Variants in PFKFB3 observed in about 807,000 individuals in gnomAD.
PFKFB3 encodes the protein 6-phosphofructo-2-kinase/fructose-2,6-bisphosphatase 3.
In PFKFB3, 33 loss-of-function variants were observed where a neutral mutation model predicts 68.0. The observed-to-expected ratio is 0.49, with a 90% CI of 0.37 to 0.65. PFKFB3 has a LOEUF of 0.65. PFKFB3 is among the 30% of genes least tolerant of loss of function. The pLI is 0.00. For missense variants in PFKFB3, 586 were observed against 712.2 expected, an observed-to-expected ratio of 0.82 and a Z score of 2.02; for synonymous variants, 315 against 288.2, an observed-to-expected ratio of 1.09 and a Z score of -0.94.
In PFKFB3 at chr10:6,228,117, G is replaced by T. The variant is rs371231091; in HGVS notation, c.1515+1752G>T. 2 of 1,525,622 alleles carry T rather than the reference G, an allele frequency of 1.3e-6. No homozygotes were observed. The highest frequency in any genetic ancestry group is 1.8e-6 in the Non-Finnish European group (2 of 1,101,246). 94.5% of individuals were successfully genotyped at this position (1,525,622 alleles called of 1,614,324 possible). On this transcript the variant is annotated intron_variant, in intron 14 of 14. Coordinates refer to ENST00000379775, the MANE Select transcript of PFKFB3 (RefSeq NM_004566.4). The surrounding 1 kb of genome is among the most constrained non-coding windows in gnomAD (Gnocchi z 4.5). ...GTCTGAAGCTGCTGGCTGGGCCGGC[G>T]TGGGGTTTTTCAGGGCTTCGTCCCT... is the stretch of plus-strand genomic sequence containing the variant.
At chr10:6,165,676 G>A (rs1041435769) in intron 1 of PFKFB3, among the ~76,000 whole-genome samples, 1 of 152,132 alleles carries the variant, frequency 6.6e-6, no homozygotes, top group Non-Finnish European at 1.5e-5. Flanking sequence ...GCCTTTTCTC[G>A]ATGCGTCTAT....
intron 1 of PFKFB3, among the ~76,000 whole-genome samples, chr10:6,187,277 C>T (rs1157806311): frequency 6.6e-6 from 1 of 151,660 alleles, no homozygotes; most frequent in Non-Finnish European, 1.5e-5. Context: ...AGGAGAATTG[C>T]TTGAACCAGG....
At chr10:6,245,280 A>C (rs928390373) in intron 14 of PFKFB3, among the ~76,000 whole-genome samples, 3 of 152,036 alleles carry the variant, frequency 2.0e-5, no homozygotes, top group African/African-American at 7.3e-5. Flanking sequence ...TATTTTTAGT[A>C]GAGACGGGGT....
At chr10:6,173,385 A>C (rs1443607896) in intron 1 of PFKFB3, among the ~76,000 whole-genome samples, 3 of 152,170 alleles carry the variant, frequency 2.0e-5, no homozygotes, top group Non-Finnish European at 2.9e-5. Context: ...ACTTGTGTGC[A>C]GCTTTTATGT....
chr10:6,298,602 G>A, the PFKFB3 span, among the ~76,000 whole-genome samples: 1 of 152,128 alleles, frequency 6.6e-6, no homozygotes, highest in Non-Finnish European at 1.5e-5. Context: ...CTGGCCTCAA[G>A]CAATCCTCCT....
chr10:6,172,981 G>A (rs1014365581), intron 1 of PFKFB3, among the ~76,000 whole-genome samples: 1 of 152,084 alleles, frequency 6.6e-6, no homozygotes, highest in Non-Finnish European at 1.5e-5. Context: ...TTAGGCCAGC[G>A]TCCACTGCAG....
At chr10:6,285,043 A>G in the PFKFB3 span, among the ~76,000 whole-genome samples, 1 of 152,170 alleles carries the variant, frequency 6.6e-6, no homozygotes, top group South Asian at 2.1e-4. Flanking sequence ...GCTGCTATGA[A>G]CATTGGTATA....
At chr10:6,185,689 G>A (rs1236622019) in intron 1 of PFKFB3, among the ~76,000 whole-genome samples, 1 of 149,074 alleles carries the variant, frequency 6.7e-6, no homozygotes, top group African/African-American at 2.5e-5. Context: ...CACCAAGGCT[G>A]GAGTGCAATG....
intron 14 of PFKFB3, among the ~76,000 whole-genome samples, chr10:6,251,068 T>G (rs777397115): frequency 9.9e-5 from 15 of 152,242 alleles, no homozygotes; most frequent in Non-Finnish European, 2.2e-4. Context: ...TTCTGTAGGC[T>G]ATTCTAATCT....
chr10:6,294,600 T>A, the PFKFB3 span: 1 of 167,998 alleles, frequency 6.0e-6, no homozygotes, highest in Non-Finnish European at 1.3e-5. Context: ...GAGATATGGG[T>A]GGGGACATAG....
Position 6,233,098 on chromosome 10 carries a change from T to C in PFKFB3, c.*156T>C. On this transcript the variant is annotated 3_prime_UTR_variant, in exon 15 of 15. Coordinates refer to ENST00000379775, the MANE Select transcript of PFKFB3 (RefSeq NM_004566.4). ...CCGAAGAGAACCATGCTTGGCACCG[T>C]CTGTGTCCCCTCGGCCGCTGGACAC... 2 of 651,850 alleles carry C rather than the reference T, an allele frequency of 3.1e-6. No individual in the cohort carries two copies. Among genetic ancestry groups the C allele is most frequent in the East Asian group, 5.4e-5 (2 of 37,168 alleles). The allele number at this position is 651,850 out of a possible 1,614,324, so 40.4% of individuals were successfully genotyped here. A position where few individuals can be genotyped will look rare whatever the true frequency, so the allele number is the denominator to read the frequency against.
intron 4 of PFKFB3, 151 bp from the exon 5 acceptor site, chr10:6,216,555 C>T: frequency 1.4e-6 from 1 of 700,766 alleles, no homozygotes; most frequent in Non-Finnish European, 2.5e-6. Context: ...TAAGCACTCC[C>T]TGGAGAGGAC....
chr10:6,180,066 G>A (rs1044411285), intron 1 of PFKFB3, among the ~76,000 whole-genome samples: 3 of 151,954 alleles, frequency 2.0e-5, no homozygotes, highest in Non-Finnish European at 4.4e-5. Flanking sequence ...GTGTGGGCCA[G>A]GCTCGGTGGC....
At chr10:6,266,602 T>C in the PFKFB3 span, among the ~76,000 whole-genome samples, 2 of 152,232 alleles carry the variant, frequency 1.3e-5, no homozygotes, top group Admixed American at 1.3e-4. Flanking sequence ...AACTATAATA[T>C]GTATGTGTGT....
In PFKFB3 at chr10:6,181,305, T is replaced by TC. The variant is rs201153279; in HGVS notation, c.17-32317dup. Among the ~76,000 whole-genome samples the TC allele has an allele frequency of 2.6e-4, 39 of 151,700 alleles. No homozygotes were observed. The East Asian group carries it at 5.9e-3, about 23-fold the overall frequency. On this transcript the variant is annotated intron_variant, in intron 1 of 14. Coordinates refer to the PFKFB3 transcript ENST00000379789. The stretch of plus-strand genomic sequence containing the variant: ...GTAGCTGGGATTATAGTCATGAGCC[T>TC]CTGCACGCAGCCCACGCCCATGTTT...
chr10:6,300,414 G>C, the PFKFB3 span, among the ~76,000 whole-genome samples: 1 of 152,284 alleles, frequency 6.6e-6, no homozygotes, highest in African/African-American at 2.4e-5. Context: ...TAGAGACATA[G>C]TGAGCTCAGC....
At chr10:6,256,332 TG>T (rs1296444077), downstream of PFKFB3, among the ~76,000 whole-genome samples, 1 of 152,096 alleles carries the variant, frequency 6.6e-6, no homozygotes, top group East Asian at 1.9e-4. Context: ...CTCAAGGACT[TG>T]GGGGGTGTAG....
rs552159972 is a variant in PFKFB3, at chr10:6,167,446, A to G, written c.16+22433A>G. On this transcript the variant is annotated intron_variant, in intron 1 of 14. Coordinates refer to the PFKFB3 transcript ENST00000379789. ...TAGCTTCATACTCTCTGAAGAGAGG[A>G]ATACTTTAGGAGTCTCTTTTTTGTT... is the stretch of plus-strand genomic sequence containing the variant. Among the ~76,000 whole-genome samples, 40 of 152,362 alleles carry G rather than the reference A, an allele frequency of 2.6e-4. No homozygotes were observed. The South Asian group carries it at 8.1e-3, about 31-fold the overall frequency.
At chr10:6,237,483 CTT>C (rs1262879440), downstream of PFKFB3, among the ~76,000 whole-genome samples, 2 of 152,236 alleles carry the variant, frequency 1.3e-5, no homozygotes, top group Non-Finnish European at 2.9e-5. Flanking sequence ...TTGAAAGTAA[CTT>C]TTTTTGAATT....
Sources: gnomAD v4.1 joint callset for allele counts (sites outside exome capture counted in the v4.1 genomes callset) on GRCh38, gnomAD v4.1.1 for gene constraint, Gnocchi (gnomAD v3.1) non-coding constraint, MANE v1.5 for transcripts, NCBI Gene and HGNC (gene_info 2026-07-23, HGNC 2026-07-21) for gene names.